The following SNTG1 variants were observed in gnomAD, a reference collection of about 807,000 sequenced individuals.
The protein encoded by SNTG1 is syntrophin gamma 1.
In SNTG1, 39 loss-of-function variants were observed where a neutral mutation model predicts 74.7. That is an observed-to-expected ratio of 0.52 (90% confidence interval 0.40 to 0.68). SNTG1 has a LOEUF of 0.68. SNTG1 is among the 30% of genes least tolerant of loss of function. SNTG1 has a pLI of 0.00. For synonymous variants in SNTG1, 254 were observed against 217.1 expected (o/e 1.17, Z -1.49); for missense variants, 685 against 609.5 (o/e 1.12, Z -1.30).
intron 1 of SNTG1, among the ~76,000 whole-genome samples, chr8:50,030,320 C>A (rs537058122): frequency 1.4e-4 from 21 of 151,900 alleles, no homozygotes; most frequent in Admixed American, 4.6e-4. Context: ...TTATTGTTTC[C>A]TTTGTTGGCA....
At chr8:50,697,219 C>T (rs1332940943) in intron 15 of SNTG1, among the ~76,000 whole-genome samples, 2 of 151,944 alleles carry the variant, frequency 1.3e-5, no homozygotes, top group South Asian at 2.1e-4. Flanking sequence ...GATTGCCCTC[C>T]TTTCAACTGC....
intron 8 of SNTG1, among the ~76,000 whole-genome samples, chr8:50,452,881 C>A (rs6473144): frequency 0.86 from 130,980 of 152,154 alleles, 56,513 homozygotes; most frequent in Non-Finnish European, 0.89. Flanking sequence ...GTTTAATAAT[C>A]AACCTACAAG....
intron 2 of SNTG1, among the ~76,000 whole-genome samples, chr8:50,317,194 C>T (rs1264260769): frequency 6.6e-6 from 1 of 152,068 alleles, no homozygotes; most frequent in Non-Finnish European, 1.5e-5. Flanking sequence ...AGCTTCAACC[C>T]AGCCCATAGA....
chr8:50,440,405 T>G (rs1257942607), intron 5 of SNTG1, among the ~76,000 whole-genome samples: 2 of 152,126 alleles, frequency 1.3e-5, no homozygotes, highest in Non-Finnish European at 2.9e-5. Context: ...GATCAAAATA[T>G]GATTCTTTCT....
At chr8:50,192,199 T>G (rs2083602918) in intron 2 of SNTG1, among the ~76,000 whole-genome samples, 1 of 152,158 alleles carries the variant, frequency 6.6e-6, no homozygotes, top group Admixed American at 6.6e-5. Flanking sequence ...TTGTCATATC[T>G]TTTTAAAAAG....
intron 2 of SNTG1, among the ~76,000 whole-genome samples, chr8:50,225,312 A>T (rs956282763): frequency 6.6e-6 from 1 of 152,186 alleles, no homozygotes; most frequent in Admixed American, 6.5e-5. Flanking sequence ...CATCATCTGC[A>T]TAATAAGAAC....
intron 1 of SNTG1, among the ~76,000 whole-genome samples, chr8:49,973,270 A>G (rs1811874876): frequency 6.6e-6 from 1 of 151,636 alleles, no homozygotes; most frequent in Non-Finnish European, 1.5e-5. Flanking sequence ...AGGACAAAAA[A>G]CCAAACACCG....
intron 10 of SNTG1, among the ~76,000 whole-genome samples, chr8:50,535,147 A>G (rs1295594664): frequency 6.6e-6 from 1 of 152,142 alleles, no homozygotes; most frequent in African/African-American, 2.4e-5. Context: ...ATTATAAGAA[A>G]TTTTTTATTT....
At chr8:50,446,454 T>C in intron 5 of SNTG1, among the ~76,000 whole-genome samples, 1 of 150,354 alleles carries the variant, frequency 6.7e-6, no homozygotes, top group South Asian at 2.1e-4. Flanking sequence ...GGTGGGCGGA[T>C]CACCTGAGGT....
At chr8:50,534,698 T>A (rs1254770161) in intron 10 of SNTG1, among the ~76,000 whole-genome samples, 1 of 152,192 alleles carries the variant, frequency 6.6e-6, no homozygotes, top group South Asian at 2.1e-4. Flanking sequence ...GGAGGACCAC[T>A]TGACCCCAGG....
intron 1 of SNTG1, among the ~76,000 whole-genome samples, chr8:50,083,429 T>C (rs2131095102): frequency 6.6e-6 from 1 of 152,330 alleles, no homozygotes; most frequent in East Asian, 1.9e-4. Flanking sequence ...ATAAATTATC[T>C]TGTGATGGAT....
chr8:50,051,403 A>T (rs1563524488), intron 1 of SNTG1, among the ~76,000 whole-genome samples: 1 of 152,172 alleles, frequency 6.6e-6, no homozygotes, highest in African/African-American at 2.4e-5. Flanking sequence ...TGTTCCATTG[A>T]CAGCAGCATA....
intron 2 of SNTG1, among the ~76,000 whole-genome samples, chr8:50,331,356 C>T (rs969113059): frequency 6.6e-6 from 1 of 152,108 alleles, no homozygotes; most frequent in Non-Finnish European, 1.5e-5. Flanking sequence ...ATCTCTGATA[C>T]AGTTTGCATG....
At chr8:50,250,048 A>G (rs373403870) in intron 2 of SNTG1, among the ~76,000 whole-genome samples, 25 of 151,472 alleles carry the variant, frequency 1.7e-4, no homozygotes, top group East Asian at 9.7e-4. Context: ...GAGATATAAG[A>G]GGATCTAGAA....
intron 13 of SNTG1, among the ~76,000 whole-genome samples, chr8:50,608,983 G>A (rs75672158): frequency 0.037 from 5,652 of 151,948 alleles, 178 homozygotes; most frequent in African/African-American, 0.075. Flanking sequence ...TTGCTGCATT[G>A]CAGTATAGAT....
intron 1 of SNTG1, among the ~76,000 whole-genome samples, chr8:50,169,561 T>G (rs2082737013): frequency 6.6e-6 from 1 of 152,196 alleles, no homozygotes; most frequent in Non-Finnish European, 1.5e-5. Context: ...AGCCCTGGTA[T>G]TTCTTATTTG....
chr8:50,217,419 G>T (rs2084845437), intron 2 of SNTG1, among the ~76,000 whole-genome samples: 1 of 151,918 alleles, frequency 6.6e-6, no homozygotes, highest in Non-Finnish European at 1.5e-5. Flanking sequence ...TCTATTTCCT[G>T]ACCTTTGCAA....
At chr8:49,934,266 A>G (rs941553649) in intron 1 of SNTG1, among the ~76,000 whole-genome samples, 3 of 149,820 alleles carry the variant, frequency 2.0e-5, no homozygotes, top group Admixed American at 1.4e-4. Flanking sequence ...TCTCCTGGTC[A>G]TATATACTAT....
chr8:50,321,969 A>G (rs1249155157), intron 2 of SNTG1, among the ~76,000 whole-genome samples: 1 of 152,152 alleles, frequency 6.6e-6, no homozygotes, highest in Non-Finnish European at 1.5e-5. Context: ...AGTAGTTTAT[A>G]CATCAAAATT....
Sources: allele counts gnomAD v4.1 joint callset (sites outside exome capture counted in the v4.1 genomes callset), GRCh38; gene constraint gnomAD v4.1.1; transcripts MANE v1.5; gene names NCBI Gene and HGNC (gene_info 2026-07-23, HGNC 2026-07-21).